Variants in EIF2S1 observed in about 807,000 individuals in gnomAD.
The protein encoded by EIF2S1 is eukaryotic translation initiation factor 2 subunit alpha.
In EIF2S1, 5 loss-of-function variants were observed where a neutral mutation model predicts 33.5. The observed-to-expected ratio is 0.15, with a 90% CI of 0.08 to 0.31. The LOEUF is 0.31. EIF2S1 is among the 10% of genes least tolerant of loss of function. The pLI, the probability that EIF2S1 is intolerant of heterozygous loss-of-function variation, is 1.00. For synonymous variants in EIF2S1, 99 were observed against 127.5 expected (o/e 0.78, Z 1.51); for missense variants, 191 against 384.6 (o/e 0.50, Z 4.21).
At chr14:67,375,539 A>T (rs2085853134) in intron 3 of EIF2S1, among the ~76,000 whole-genome samples, 1 of 151,978 alleles carries the variant, frequency 6.6e-6, no homozygotes, top group Non-Finnish European at 1.5e-5. Flanking sequence ...CAAAAAAAAA[A>T]AAAAGTTTCA....
rs1197690344 is a variant in EIF2S1, at chr14:67,383,527, A to T, written c.*87A>T. On this transcript the variant is annotated 3_prime_UTR_variant, in exon 8 of 8. Transcript: ENST00000256383. ...TAGACTTGAAAGTTTTCCAGTATTG[A>T]AAACTTCAAAGCTGAATATTTTTTA... is the stretch of plus-strand genomic sequence containing the variant. 6.4e-7 allele frequency: 1 copy of T among 1,553,682 alleles called. No individual in the cohort carries two copies. Among genetic ancestry groups the T allele is most frequent in the Middle Eastern group, 1.7e-4 (1 of 5,886 alleles).
intron 2 of EIF2S1, among the ~76,000 whole-genome samples, chr14:67,367,403 G>A (rs567420513): frequency 1.1e-4 from 16 of 152,056 alleles, no homozygotes; most frequent in East Asian, 1.9e-4. Flanking sequence ...GCTAATTTTT[G>A]TATTTTTGGT....
intron 1 of EIF2S1, chr14:67,364,260 G>A (rs986101893): frequency 1.3e-5 from 2 of 152,052 alleles, no homozygotes; most frequent in African/African-American, 4.8e-5. Context: ...CTGTAATTTT[G>A]GCTATAATAA....
At chr14:67,374,999 G>A (rs1030893526) in intron 3 of EIF2S1, among the ~76,000 whole-genome samples, 5 of 152,178 alleles carry the variant, frequency 3.3e-5, no homozygotes, top group African/African-American at 4.8e-5. Context: ...TTTATAAAAT[G>A]TCTGTGAATC....
chr14:67,383,595 G>A lies in EIF2S1; in HGVS notation c.*155G>A. On this transcript the variant is annotated 3_prime_UTR_variant, in exon 8 of 8. Coordinates refer to ENST00000256383, the MANE Select transcript of EIF2S1 (RefSeq NM_004094.5). ...GTTCTAACAGATCAGAACATGAAAT[G>A]CCCTCCTAAATGTCAGCTGTTGTCA... The A allele has an allele frequency of 9.1e-7, 1 of 1,104,918 alleles. No individual in the cohort carries two copies. The highest frequency in any genetic ancestry group is 1.3e-6 in the Non-Finnish European group (1 of 775,432). 68.4% of individuals were successfully genotyped at this position (1,104,918 alleles called of 1,614,324 possible).
intron 2 of EIF2S1, among the ~76,000 whole-genome samples, chr14:67,371,158 T>C (rs10129218): frequency 0.081 from 12,256 of 152,170 alleles, 1,166 homozygotes; most frequent in African/African-American, 0.23. Flanking sequence ...CTCACACTTA[T>C]AATTCCAGCA....
At chr14:67,375,327 CT>C (rs1471691275) in intron 3 of EIF2S1, among the ~76,000 whole-genome samples, 1 of 150,594 alleles carries the variant, frequency 6.6e-6, no homozygotes, top group African/African-American at 2.4e-5. Context: ...GCAATCTCAA[CT>C]TACTGCAACC....
Position 67,383,516 on chromosome 14 carries a change from T to C in EIF2S1, c.*76T>C. The C allele has an allele frequency of 6.3e-7, 1 of 1,583,974 alleles. No homozygotes were observed. Among genetic ancestry groups the C allele is most frequent in the Non-Finnish European group, 8.6e-7 (1 of 1,161,708 alleles). On this transcript the variant is annotated 3_prime_UTR_variant, in exon 8 of 8. Coordinates refer to ENST00000256383, the MANE Select transcript of EIF2S1 (RefSeq NM_004094.5). ...GCTGTAAATCCTAGACTTGAAAGTTTTCCAGTATTGAAAACTTCAAAGCTG... is the reference window on the plus strand; with the variant it reads ...GCTGTAAATCCTAGACTTGAAAGTTCTCCAGTATTGAAAACTTCAAAGCTG...
chr14:67,361,312 A>G (rs898282192), intron 1 of EIF2S1, among the ~76,000 whole-genome samples: 3 of 152,204 alleles, frequency 2.0e-5, no homozygotes, highest in Non-Finnish European at 4.4e-5. Flanking sequence ...ATCTCTGTCA[A>G]TAGTTTGGGG....
chr14:67,368,430 CA>C (rs2141132734), intron 2 of EIF2S1, among the ~76,000 whole-genome samples: 1 of 152,216 alleles, frequency 6.6e-6, no homozygotes, highest in Non-Finnish European at 1.5e-5. Flanking sequence ...AGTCTCTCCA[CA>C]AATGTCAGAG....
chr14:67,360,866 G>T (rs2085732426), intron 1 of EIF2S1: 1 of 152,104 alleles, frequency 6.6e-6, no homozygotes. Context: ...CGCCCCAACA[G>T]CTCTACCAAA....
At chr14:67,380,989 G>A (rs1291660175) in intron 5 of EIF2S1, among the ~76,000 whole-genome samples, 1 of 152,076 alleles carries the variant, frequency 6.6e-6, no homozygotes, top group East Asian at 1.9e-4. Context: ...TAACCTAAAG[G>A]TAGCCCTTTT....
intron 2 of EIF2S1, among the ~76,000 whole-genome samples, chr14:67,368,426 T>G (rs182228053): frequency 6.6e-6 from 1 of 152,318 alleles, no homozygotes; most frequent in East Asian, 1.9e-4. Context: ...GGGCAGTCTC[T>G]CCACAAATGT....
intron 2 of EIF2S1, 53 bp from the exon 3 acceptor site, chr14:67,374,415 A>G (rs569002546): frequency 2.1e-5 from 24 of 1,155,364 alleles, no homozygotes; most frequent in Middle Eastern, 2.0e-4. Context: ...GCTGGTTACA[A>G]TAGTACAGTG....
intron 4 of EIF2S1, among the ~76,000 whole-genome samples, chr14:67,378,947 AT>A (rs1422782327): frequency 1.3e-5 from 2 of 152,118 alleles, no homozygotes; most frequent in African/African-American, 4.8e-5. Context: ...GTCTATTATC[AT>A]TTTTTATTTA....
intron 2 of EIF2S1, among the ~76,000 whole-genome samples, chr14:67,370,070 G>C (rs2085809834): frequency 6.6e-6 from 1 of 152,260 alleles, no homozygotes; most frequent in Admixed American, 6.5e-5. Context: ...GGGAAATGAA[G>C]GGATGGGCCG....
Position 67,360,390 on chromosome 14 carries a change from A to G in EIF2S1, c.-68A>G. ...ATCGGCGGCCGGTGAGGGGGAAGCA[A>G]GTCTGGTCTCTGTGATTGAAGAAGT... On this transcript the variant is annotated 5_prime_UTR_variant, in exon 1 of 8. Coordinates refer to ENST00000256383, the MANE Select transcript of EIF2S1 (RefSeq NM_004094.5). 2.5e-6 allele frequency: 1 copy of G among 395,884 alleles called. No homozygotes were observed. Among genetic ancestry groups the G allele is most frequent in the Non-Finnish European group, 4.4e-6 (1 of 224,788 alleles). 24.5% of individuals were successfully genotyped at this position (395,884 alleles called of 1,614,324 possible).
intron 2 of EIF2S1, among the ~76,000 whole-genome samples, chr14:67,366,871 T>A (rs1433589713): frequency 7.2e-6 from 1 of 139,386 alleles, no homozygotes; most frequent in African/African-American, 3.0e-5. Flanking sequence ...CCTTTTTTTT[T>A]GACCTAAGTA....
At position 67,382,604 on chromosome 14, in the gene EIF2S1, A is replaced by G; in HGVS notation, c.822+14A>G. On this transcript the variant is annotated intron_variant, in intron 7 of 7. Coordinates refer to ENST00000256383, the MANE Select transcript of EIF2S1 (RefSeq NM_004094.5). ...GTTCAAATGGAGGTGAGATCAATAG[A>G]TTCATTTTTAATAATGACTCAGGAG... 1 of 1,613,712 alleles carries G rather than the reference A, an allele frequency of 6.2e-7. No individual in the cohort carries two copies. The highest frequency in any genetic ancestry group is 8.5e-7 in the Non-Finnish European group (1 of 1,179,704).
Sources: allele counts gnomAD v4.1 joint callset (sites outside exome capture counted in the v4.1 genomes callset), GRCh38; gene constraint gnomAD v4.1.1; transcripts MANE v1.5; gene names NCBI Gene and HGNC (gene_info 2026-07-23, HGNC 2026-07-21).